CCDC80: variants seen among roughly 807,000 people sequenced by gnomAD.
The protein encoded by CCDC80 is coiled-coil domain-containing protein 80.
In CCDC80, 49 loss-of-function variants were observed where a neutral mutation model predicts 78.7. The observed-to-expected ratio is 0.62, with a 90% CI of 0.50 to 0.79. The LOEUF (loss-of-function observed/expected upper bound fraction) is 0.79, where lower values mean the gene tolerates loss of function less well. Ranked by LOEUF, CCDC80 falls within the 30% of genes least tolerant of loss-of-function variation. The probability of loss-of-function intolerance (pLI) is 0.00; values close to 1 mark genes in which losing one functional copy is unlikely to be tolerated. For synonymous variants in CCDC80, 488 were observed against 447.0 expected, an observed-to-expected ratio of 1.09 and a Z score of -1.16; for missense variants, 1,205 against 1,198.6, an observed-to-expected ratio of 1.01 and a Z score of -0.08.
intron 3 of CCDC80, among the ~76,000 whole-genome samples, chr3:112,626,829 T>C (rs990577366): frequency 1.6e-4 from 24 of 152,254 alleles, no homozygotes; most frequent in Admixed American, 1.4e-3. Context: ...ATTACAAGCA[T>C]GAGCCACTGC....
chr3:112,629,280 GTTT>G (rs1270093176), intron 3 of CCDC80, among the ~76,000 whole-genome samples: 1 of 143,974 alleles, frequency 6.9e-6, no homozygotes, highest in African/African-American at 2.5e-5. Context: ...TTACTCTAAG[GTTT>G]TTTTTTTTTG....
chr3:112,637,590 C>A (rs1440538849), intron 2 of CCDC80, among the ~76,000 whole-genome samples: 1 of 152,228 alleles, frequency 6.6e-6, no homozygotes, highest in African/African-American at 2.4e-5. Flanking sequence ...CAGAGAGAAA[C>A]CCTTTTACTA....
At chr3:112,633,873 G>T (rs1241848681) in intron 2 of CCDC80, among the ~76,000 whole-genome samples, 1 of 152,170 alleles carries the variant, frequency 6.6e-6, no homozygotes, top group African/African-American at 2.4e-5. Flanking sequence ...GCAGCTTAAA[G>T]CTCCTCAGTA....
At chr3:112,606,537 T>C (rs1169349857) in intron 7 of CCDC80, among the ~76,000 whole-genome samples, 1 of 152,250 alleles carries the variant, frequency 6.6e-6, no homozygotes, top group Non-Finnish European at 1.5e-5. Context: ...GCGATTGTCC[T>C]ACCTCAGCCT....
chr3:112,616,568 G>GT lies in CCDC80; in HGVS notation c.2321+141dup, dbSNP rs1237602686. On this transcript the variant is annotated intron_variant, in intron 5 of 7. Transcript: ENST00000206423. ...TTTCAACAGGACAAGACTAAGCTCA[G>GT]TGGCCAGAGATGGGTAGGTTTTTCT... The GT allele has an allele frequency of 3.4e-6, 3 of 872,266 alleles. No homozygotes were observed. The African/African-American group carries it at 5.0e-5, about 15-fold the overall frequency. The allele number at this position is 872,266 out of a possible 1,614,324, so 54.0% of individuals were successfully genotyped here. A position where few individuals can be genotyped will look rare whatever the true frequency, so the allele number is the denominator to read the frequency against.
In CCDC80 at chr3:112,639,780, A is replaced by C; in HGVS notation, c.126T>G (p.Ser42=). ...ACCGAGCTGGCCTACTGCTGTCCGG[A>C]GAAACCAAAGGCACTTTCCGTCCTC... ...SHGGRKVPLV[S]PDSSRPARFL... Residue 42 remains serine (S), a synonymous_variant, in exon 2 of 8, where the codon TCT becomes TCG. Coordinates refer to ENST00000206423, the MANE Select transcript of CCDC80 (RefSeq NM_199511.3). The C allele has an allele frequency of 6.2e-7, 1 of 1,614,158 alleles. No homozygotes were observed.
chr3:112,605,676 G>A lies in CCDC80; in HGVS notation c.2594C>T (p.Ser865Phe). ...NYFQVSPEYF[S>F]MLLVGKDGNV... The stretch of plus-strand genomic sequence containing the variant: ...TCCGTCTTTTCCGACTAGAAGCATG[G>A]AGAAGTACTCCGGGCTCACTTGAAA... Residue 865 changes from serine (S) to phenylalanine (F), a missense_variant, in exon 8 of 8, where the codon TCC (serine) becomes TTC (phenylalanine). Coordinates refer to ENST00000206423, the MANE Select transcript of CCDC80 (RefSeq NM_199511.3). 1 of 1,614,202 alleles carries A rather than the reference G, an allele frequency of 6.2e-7. No individual in the cohort carries two copies. The highest frequency in any genetic ancestry group is 8.5e-7 in the Non-Finnish European group (1 of 1,180,038).
chr3:112,615,053 G>A (rs1038705852), intron 5 of CCDC80, among the ~76,000 whole-genome samples: 1 of 152,210 alleles, frequency 6.6e-6, no homozygotes, highest in Non-Finnish European at 1.5e-5. Flanking sequence ...GATGGAGATA[G>A]AGCTGCTTGC....
Position 112,605,333 on chromosome 3 carries a change from G to C in CCDC80, c.*84C>G. ...AAGAAAAAGGCAGGAAATGTAGTAC[G>C]CAGTGTGGAAGAATGGAGCTGGCCA... On this transcript the variant is annotated 3_prime_UTR_variant, in exon 8 of 8. Transcript: ENST00000206423. The C allele has an allele frequency of 1.2e-6, 1 of 860,422 alleles. No individual in the cohort carries two copies. Among genetic ancestry groups the C allele is most frequent in the Non-Finnish European group, 1.8e-6 (1 of 547,462 alleles). The allele number at this position is 860,422 out of a possible 1,614,324, so 53.3% of individuals were successfully genotyped here.
Position 112,639,215 on chromosome 3 carries a change from C to T in CCDC80, c.691G>A (p.Gly231Ser). The part of the protein sequence containing the change: ...KLMSFLKLEK[G>S]KFGMVLLKKT... Reference sequence around the variant, plus strand: ...TTCAGCAGCACCATGCCAAACTTGCCCTTCTCCAGCTTCAGGAAGCTCATC... The same window carrying T: ...TTCAGCAGCACCATGCCAAACTTGCTCTTCTCCAGCTTCAGGAAGCTCATC... The change falls in exon 2 of 8, where the codon GGC becomes AGC. Residue 231 changes from glycine to serine, a missense_variant. Gly to Ser is a moderately conservative substitution (Grantham distance 56, BLOSUM62 0). Coordinates refer to ENST00000206423, the MANE Select transcript of CCDC80 (RefSeq NM_199511.3). 1 of 1,614,170 alleles carries T rather than the reference C, an allele frequency of 6.2e-7. No homozygotes were observed. The highest frequency in any genetic ancestry group is 8.5e-7 in the Non-Finnish European group (1 of 1,180,040).
At position 112,618,966 on chromosome 3, in the gene CCDC80, A is replaced by G; in HGVS notation, c.2172+2T>C. The stretch of plus-strand genomic sequence containing the variant: ...TACATTATTCAGAATAAGAAACTGT[A>G]CCTTGACTCTCAGATCCACATCTGT... On this transcript the variant is annotated splice_donor_variant, in intron 4 of 7. Coordinates refer to ENST00000206423, the MANE Select transcript of CCDC80 (RefSeq NM_199511.3). LOFTEE classifies it high-confidence loss of function. 6.2e-7 allele frequency: 1 copy of G among 1,613,720 alleles called. No individual in the cohort carries two copies. The highest frequency in any genetic ancestry group is 8.5e-7 in the Non-Finnish European group (1 of 1,179,844).
chr3:112,610,849 C>T (rs1192815674), intron 5 of CCDC80, among the ~76,000 whole-genome samples: 10 of 151,434 alleles, frequency 6.6e-5, no homozygotes, highest in African/African-American at 2.4e-4. Context: ...TTTTGGGTGT[C>T]GTTGAGCATG....
At chr3:112,622,653 A>G (rs566672599) in intron 3 of CCDC80, among the ~76,000 whole-genome samples, 22 of 152,108 alleles carry the variant, frequency 1.4e-4, no homozygotes, top group Non-Finnish European at 3.1e-4. Flanking sequence ...TTTTTTAAAA[A>G]AAATTATTAT....
At chr3:112,611,707 A>G (rs1472004784) in intron 5 of CCDC80, among the ~76,000 whole-genome samples, 1 of 152,230 alleles carries the variant, frequency 6.6e-6, no homozygotes, top group African/African-American at 2.4e-5. Flanking sequence ...GAGAGAAGGT[A>G]TGCATCTAAG....
rs529394236 is a variant in CCDC80, at chr3:112,616,173, C to T, written c.2321+537G>A. ...TTGCCACAAGATGGCCTTCAATAAA[C>T]GACAGTGTCGAAAAATTCGTGAAAC... is the stretch of plus-strand genomic sequence containing the variant. On this transcript the variant is annotated intron_variant, in intron 5 of 7. Transcript: ENST00000206423. 1.3e-4 allele frequency among the ~76,000 whole-genome samples: 20 copies of T among 152,184 alleles called. No individual in the cohort carries two copies. In the East Asian group the frequency reaches 2.9e-3, roughly 22 times the overall value.
intron 2 of CCDC80, among the ~76,000 whole-genome samples, chr3:112,634,477 T>A (rs1189211835): frequency 6.6e-6 from 1 of 152,146 alleles, no homozygotes; most frequent in Admixed American, 6.5e-5. Context: ...ATAGTCTCAC[T>A]ATCGTCAACC....
chr3:112,612,450 C>G (rs1056194183), intron 5 of CCDC80, among the ~76,000 whole-genome samples: 1 of 152,144 alleles, frequency 6.6e-6, no homozygotes, highest in African/African-American at 2.4e-5. Context: ...AGGTCATTTC[C>G]CCTAAGTCAT....
chr3:112,640,167 C>T (rs1936314312), intron 1 of CCDC80, among the ~76,000 whole-genome samples, 160 bp downstream of exon 1: 2 of 152,136 alleles, frequency 1.3e-5, no homozygotes, highest in South Asian at 4.1e-4. Context: ...ATTCAGTTTC[C>T]CAGTCAGCAT....
intron 6 of CCDC80, among the ~76,000 whole-genome samples, chr3:112,607,815 C>T (rs1413382084): frequency 1.3e-5 from 2 of 152,104 alleles, no homozygotes; most frequent in African/African-American, 4.8e-5. Context: ...TTCATTGGAA[C>T]ATTAAAATAT....
Sources: allele counts gnomAD v4.1 joint callset (sites outside exome capture counted in the v4.1 genomes callset), GRCh38; gene constraint gnomAD v4.1.1; transcripts MANE v1.5; gene names NCBI Gene and HGNC (gene_info 2026-07-23, HGNC 2026-07-21).